NLRP11: variants seen among roughly 807,000 people sequenced by gnomAD.
NLRP11 encodes NACHT, LRR and PYD domains-containing protein 11.
Under a neutral mutation model 79.3 loss-of-function variants are expected in NLRP11, and 53 were observed. The ratio of observed to expected loss-of-function variants is 0.67; its 90% CI spans 0.54 to 0.84. The LOEUF is 0.84. Among genes scored for constraint, NLRP11 ranks in the 40% least tolerant of loss-of-function variants. The pLI, the probability that NLRP11 is intolerant of heterozygous loss-of-function variation, is 0.00. For synonymous variants in NLRP11, 518 were observed against 462.6 expected (o/e 1.12, Z -1.54); for missense variants, 1,264 against 1,255.0 (o/e 1.01, Z -0.11).
At chr19:55,823,119 A>C (rs918233587) in intron 1 of NLRP11, among the ~76,000 whole-genome samples, 1 of 146,810 alleles carries the variant, frequency 6.8e-6, no homozygotes, top group Non-Finnish European at 1.5e-5. Flanking sequence ...ACCCCCAAGC[A>C]GCCTAACTGG....
At chr19:55,798,352 GAC>G (rs1979145243) in intron 5 of NLRP11, 2 of 984,716 alleles carry the variant, frequency 2.0e-6, no homozygotes, top group South Asian at 9.4e-5. Flanking sequence ...AGATTAAAAG[GAC>G]AGAGTCACAA....
Position 55,809,880 on chromosome 19 carries a change from C to A in NLRP11, c.730G>T (p.Ala244Ser). The A allele has an allele frequency of 6.2e-7, 1 of 1,614,204 alleles. No homozygotes were observed. ...TTCTGGGTGCTGTTACTACACAAAGCACTTTCATTGACATTTAACTCGAAT... is the reference window on the plus strand; with the variant it reads ...TTCTGGGTGCTGTTACTACACAAAGAACTTTCATTGACATTTAACTCGAAT... Residue 244 changes from alanine (A) to serine (S), a missense_variant, in exon 3 of 10, where the codon GCT becomes TCT. Coordinates refer to ENST00000589093, the Ensembl canonical transcript of NLRP11. This position sits in a 1 kb window ranked among gnomAD's most constrained non-coding sequence, Gnocchi z 4.5.
chr19:55,795,767 C>T (rs1371284606), intron 6 of NLRP11, among the ~76,000 whole-genome samples: 5 of 152,050 alleles, frequency 3.3e-5, no homozygotes, highest in African/African-American at 7.2e-5. Context: ...GAATTACAGG[C>T]GTGAGCCACC....
rs746294737 is a variant in NLRP11, at chr19:55,796,264, T to C, written c.2172-14A>G. ...CATTTCATCAAGCTGTAAGAGGAAT[T>C]CAGAAATGAAAAGAGGCTCCCGCGT... On this transcript the variant is annotated splice_polypyrimidine_tract_variant and intron_variant, in intron 5 of 9. Transcript: ENST00000589093. 2 of 1,604,278 alleles carry C rather than the reference T, an allele frequency of 1.2e-6. No individual in the cohort carries two copies. Among genetic ancestry groups the C allele is most frequent in the Non-Finnish European group, 1.7e-6 (2 of 1,173,962 alleles).
At chr19:55,833,802 C>T (rs368677372), upstream of NLRP11, among the ~76,000 whole-genome samples, 35 of 142,272 alleles carry the variant, frequency 2.5e-4, no homozygotes, top group African/African-American at 8.6e-4. Flanking sequence ...GACTTATTGG[C>T]ACACGGATGA....
intron 5 of NLRP11, 97 bp from the exon 6 acceptor site, chr19:55,796,347 C>A: frequency 3.2e-6 from 3 of 933,632 alleles, no homozygotes; most frequent in Non-Finnish European, 4.8e-6. Context: ...TAACCAAGTG[C>A]GATGATGTCT....
intron 1 of NLRP11, among the ~76,000 whole-genome samples, chr19:55,822,498 G>A (rs1181635700): frequency 5.9e-5 from 9 of 152,100 alleles, no homozygotes; most frequent in Non-Finnish European, 5.9e-5. Flanking sequence ...TCCATCTGAG[G>A]TACCGGGTTC....
In NLRP11 at chr19:55,812,291, G is replaced by T. The variant is rs565530866; in HGVS notation, c.272-1953C>A. 7.2e-5 allele frequency among the ~76,000 whole-genome samples: 11 copies of T among 152,176 alleles called. No individual in the cohort carries two copies. The South Asian group carries it at 2.3e-3, about 32-fold the overall frequency. On this transcript the variant is annotated intron_variant, in intron 2 of 9. Transcript: ENST00000589093. ...TAAAATATACACTATGCAAAACAAAGAATTCATTGGAATGGCTGAATGGCA... is the reference window on the plus strand; with the variant it reads ...TAAAATATACACTATGCAAAACAAATAATTCATTGGAATGGCTGAATGGCA...
chr19:55,823,261 G>C lies in NLRP11; in HGVS notation c.-62-5025C>G, dbSNP rs1277487889. On this transcript the variant is annotated intron_variant, in intron 1 of 9. Coordinates refer to ENST00000589093, the Ensembl canonical transcript of NLRP11. ...GGACATCCACACCGAAAACCCATCT[G>C]TACATCACCATCATCAAAGACCAAA... 8.7e-5 allele frequency among the ~76,000 whole-genome samples: 12 copies of C among 137,566 alleles called. 1 individual carries two copies. Among genetic ancestry groups the C allele is most frequent in the Non-Finnish European group, 1.7e-4 (11 of 64,748 alleles). 90.2% of individuals were successfully genotyped at this position (137,566 alleles called of 152,430 possible). A position where few individuals can be genotyped will look rare whatever the true frequency, so the allele number is the denominator to read the frequency against.
chr19:55,817,212 G>A (rs145007544), intron 2 of NLRP11, among the ~76,000 whole-genome samples: 119 of 152,194 alleles, frequency 7.8e-4, no homozygotes, highest in South Asian at 3.7e-3. Context: ...TGGTAAAAAG[G>A]GAACACTTTT....
chr19:55,785,656 G>C, exon 10 of NLRP11: 3 of 1,613,838 alleles, frequency 1.9e-6, no homozygotes, highest in Non-Finnish European at 2.5e-6. Context: ...TGTATTTGAC[G>C]TTCTCATGGC....
intron 1 of NLRP11, among the ~76,000 whole-genome samples, chr19:55,827,474 A>G (rs1049012701): frequency 4.0e-5 from 6 of 151,002 alleles, no homozygotes; most frequent in Non-Finnish European, 7.4e-5. Context: ...CAGAGTCAAC[A>G]GGCAACCTAC....
chr19:55,802,870 C>T (rs1186300829), intron 4 of NLRP11, among the ~76,000 whole-genome samples: 4 of 152,164 alleles, frequency 2.6e-5, no homozygotes, highest in Non-Finnish European at 4.4e-5. Flanking sequence ...CACACAACTA[C>T]AACCGTCTGA....
intron 6 of NLRP11, 126 bp from the exon 7 acceptor site, chr19:55,792,597 A>G (rs1978383724): frequency 4.6e-6 from 3 of 658,372 alleles, no homozygotes; most frequent in Non-Finnish European, 7.9e-6. Context: ...ATCTCTACCA[A>G]TGACTTTCTT....
chr19:55,795,511 A>T (rs1192437400), intron 6 of NLRP11, among the ~76,000 whole-genome samples: 2 of 151,442 alleles, frequency 1.3e-5, no homozygotes, highest in East Asian at 1.9e-4. Context: ...TTTTTTTGAG[A>T]CAGAGCCTCG....
intron 6 of NLRP11, among the ~76,000 whole-genome samples, chr19:55,794,982 T>C (rs1345268896): frequency 1.3e-5 from 2 of 152,154 alleles, no homozygotes; most frequent in African/African-American, 2.4e-5. Context: ...AAAAACAAGA[T>C]GACCTACTGC....
At chr19:55,802,220 T>C (rs1227718960) in intron 4 of NLRP11, among the ~76,000 whole-genome samples, 3 of 152,118 alleles carry the variant, frequency 2.0e-5, no homozygotes, top group Non-Finnish European at 2.9e-5. Flanking sequence ...AGAGAAGAAG[T>C]CAAACTATCA....
At chr19:55,799,332 GTAA>G (rs1171244466) in intron 5 of NLRP11, among the ~76,000 whole-genome samples, 2 of 152,166 alleles carry the variant, frequency 1.3e-5, no homozygotes, top group African/African-American at 4.8e-5. Context: ...AGAAATGTTT[GTAA>G]ATAAGTACCT....
At chr19:55,817,924 T>C in exon 2 of NLRP11, 1 of 1,609,098 alleles carries the variant, frequency 6.2e-7, no homozygotes, top group Non-Finnish European at 8.5e-7. Context: ...GCCAATGATC[T>C]TCCTACAAAG....
Sources: gnomAD v4.1 joint callset for allele counts (sites outside exome capture counted in the v4.1 genomes callset) on GRCh38, gnomAD v4.1.1 for gene constraint, Gnocchi (gnomAD v3.1) non-coding constraint, MANE v1.5 for transcripts, NCBI Gene and HGNC (gene_info 2026-07-23, HGNC 2026-07-21) for gene names.